Variants in HEATR4 observed in about 807,000 individuals in gnomAD.
The protein encoded by HEATR4 is HEAT repeat-containing protein 4.
In HEATR4, 95 loss-of-function variants were observed where a neutral mutation model predicts 108.8. The ratio of observed to expected loss-of-function variants is 0.87; its 90% CI spans 0.74 to 1.04. HEATR4 has a LOEUF of 1.04. HEATR4 is among the 50% of genes least tolerant of loss of function. The pLI, the probability that HEATR4 is intolerant of heterozygous loss-of-function variation, is 0.00. For missense variants in HEATR4, 1,152 were observed against 1,253.8 expected (o/e 0.92, Z 1.23); for synonymous variants, 443 against 459.4 (o/e 0.96, Z 0.46).
At chr14:73,506,175 C>T (rs1156763047) in intron 10 of HEATR4, among the ~76,000 whole-genome samples, 1 of 152,136 alleles carries the variant, frequency 6.6e-6, no homozygotes, top group Non-Finnish European at 1.5e-5. Flanking sequence ...AGATGTGAGC[C>T]ACCGCACCCG....
At chr14:73,604,099 A>G in the HEATR4 span, among the ~76,000 whole-genome samples, 4,364 of 151,730 alleles carry the variant, frequency 0.029, 99 homozygotes, top group Non-Finnish European at 0.045. Flanking sequence ...CATAACACAT[A>G]TATACAACTA....
At chr14:73,566,906 C>G in the HEATR4 span, among the ~76,000 whole-genome samples, 2 of 152,170 alleles carry the variant, frequency 1.3e-5, no homozygotes, top group Non-Finnish European at 2.9e-5. Context: ...GGGGTTCACG[C>G]CATTCTCCTG....
chr14:73,629,304 T>G, the HEATR4 span, among the ~76,000 whole-genome samples: 1 of 152,240 alleles, frequency 6.6e-6, no homozygotes, highest in Non-Finnish European at 1.5e-5. Flanking sequence ...ACCTTTTATA[T>G]GCACTGGGAA....
chr14:73,570,925 A>G, the HEATR4 span, among the ~76,000 whole-genome samples: 1 of 147,058 alleles, frequency 6.8e-6, no homozygotes, highest in Admixed American at 6.8e-5. Context: ...AAAAAAATTC[A>G]GGTAGTTTCA....
At chr14:73,488,159 A>T (rs1885524325) in intron 17 of HEATR4, among the ~76,000 whole-genome samples, 1 of 152,162 alleles carries the variant, frequency 6.6e-6, no homozygotes, top group Non-Finnish European at 1.5e-5. Flanking sequence ...CCCAAATCTC[A>T]TGTTGAATTG....
At chr14:73,586,051 C>T in the HEATR4 span, among the ~76,000 whole-genome samples, 3,511 of 150,186 alleles carry the variant, frequency 0.023, 150 homozygotes, top group African/African-American at 0.081. Context: ...ACTGCCAAAC[C>T]AGTATGATTT....
intron 8 of HEATR4, 73 bp from the exon 9 acceptor site, chr14:73,508,367 TA>T: frequency 8.2e-6 from 11 of 1,337,938 alleles, no homozygotes; most frequent in Non-Finnish European, 1.2e-5. Context: ...TTTGGATTGA[TA>T]CCCAAGGCTG....
the HEATR4 span, among the ~76,000 whole-genome samples, chr14:73,576,825 A>T: frequency 1.3e-5 from 2 of 148,274 alleles, no homozygotes; most frequent in African/African-American, 4.9e-5. Context: ...AAAAAAGACA[A>T]TATTTATATC....
At chr14:73,567,097 G>A in the HEATR4 span, among the ~76,000 whole-genome samples, 6 of 151,980 alleles carry the variant, frequency 3.9e-5, no homozygotes, top group Non-Finnish European at 7.4e-5. Flanking sequence ...GTGAGCCACC[G>A]CGCCCATCCC....
chr14:73,612,754 C>T, the HEATR4 span: 21 of 1,375,594 alleles, frequency 1.5e-5, no homozygotes, highest in Non-Finnish European at 2.0e-5. Context: ...ACGAGCTGGA[C>T]CTGGAGCGCG....
At chr14:73,597,615 A>G in the HEATR4 span, among the ~76,000 whole-genome samples, 1 of 115,108 alleles carries the variant, frequency 8.7e-6, no homozygotes, top group Non-Finnish European at 1.8e-5. Context: ...TTTTTTTGAG[A>G]AGGAGTCTTG....
chr14:73,498,974 G>T (rs7142466), intron 13 of HEATR4, 97 bp downstream of exon 13: 58 of 993,624 alleles, frequency 5.8e-5, no homozygotes, highest in Non-Finnish European at 9.2e-5. Context: ...TACCTCTCCT[G>T]CACTTCACCC....
the HEATR4 span, among the ~76,000 whole-genome samples, chr14:73,624,299 A>AT: frequency 1.3e-5 from 2 of 151,030 alleles, no homozygotes; most frequent in Non-Finnish European, 3.0e-5. Flanking sequence ...ATCTTTTTGT[A>AT]TTTTTTTTAA....
rs1296642605 is a variant in HEATR4, at chr14:73,549,174, C to T, written c.-152+9577G>A. ...CTACCTAGTGGAAAGAGCAAGGCAGCTCTCTTCAACCTGTTTTATAAGGGC... is the reference window on the plus strand; with the variant it reads ...CTACCTAGTGGAAAGAGCAAGGCAGTTCTCTTCAACCTGTTTTATAAGGGC... On this transcript the variant is annotated intron_variant, in intron 1 of 17. Coordinates refer to ENST00000553558, the MANE Select transcript of HEATR4 (RefSeq NM_001220484.1). Among the ~76,000 whole-genome samples, 6 of 113,982 alleles carry T rather than the reference C, an allele frequency of 5.3e-5. 1 individual carries two copies. In the Admixed American group the frequency reaches 5.9e-4, roughly 11 times the overall value. 74.8% of individuals were successfully genotyped at this position (113,982 alleles called of 152,430 possible).
At chr14:73,579,716 G>A in the HEATR4 span, among the ~76,000 whole-genome samples, 1 of 151,882 alleles carries the variant, frequency 6.6e-6, no homozygotes, top group South Asian at 2.1e-4. Context: ...ACTGCACCTG[G>A]CCATCATGAA....
chr14:73,575,735 G>T, the HEATR4 span: 1 of 397,260 alleles, frequency 2.5e-6, no homozygotes, highest in African/African-American at 2.1e-5. Flanking sequence ...ACAAGAAGTG[G>T]AAAAAGTCTC....
the HEATR4 span, among the ~76,000 whole-genome samples, chr14:73,597,070 T>TTTCA: frequency 1.3e-5 from 2 of 148,800 alleles, no homozygotes; most frequent in African/African-American, 2.5e-5. Flanking sequence ...GGTAATTTTA[T>TTTCA]TTTATTTATT....
chr14:73,584,330 C>T, the HEATR4 span, among the ~76,000 whole-genome samples: 4 of 151,658 alleles, frequency 2.6e-5, no homozygotes, highest in Non-Finnish European at 4.4e-5. Context: ...TGAAACTCAC[C>T]TCCATCTCTT....
intron 9 of HEATR4, among the ~76,000 whole-genome samples, chr14:73,507,282 C>T (rs1472429242): frequency 1.3e-5 from 2 of 152,116 alleles, no homozygotes; most frequent in Non-Finnish European, 2.9e-5. Flanking sequence ...AAATAGAGAC[C>T]ATTTGCAACC....
Sources: allele counts gnomAD v4.1 joint callset (sites outside exome capture counted in the v4.1 genomes callset), GRCh38; gene constraint gnomAD v4.1.1; transcripts MANE v1.5; gene names NCBI Gene and HGNC (gene_info 2026-07-23, HGNC 2026-07-21).